The following PANK1 variants were observed in gnomAD, a reference collection of about 807,000 sequenced individuals.
PANK1 encodes the protein pantothenate kinase 1, also known as pantothenic acid kinase 1.
A neutral mutation model predicts 40.1 loss-of-function variants in PANK1; 18 were observed. The observed-to-expected ratio is 0.45, with a 90% CI of 0.31 to 0.67. PANK1 has a LOEUF of 0.67. PANK1 is among the 30% of genes least tolerant of loss of function. PANK1 has a pLI of 0.06. For missense variants in PANK1, 457 were observed against 599.6 expected (o/e 0.76, Z 2.48); for synonymous variants, 242 against 237.7 (o/e 1.02, Z -0.17).
At chr10:89,626,123 G>A (rs1845653461) in intron 1 of PANK1, 1 of 152,184 alleles carries the variant, frequency 6.6e-6, no homozygotes. Flanking sequence ...GTAGGCAGAT[G>A]AAATTTGTTT....
At chr10:89,585,022 G>A (rs1228933594) in intron 6 of PANK1, among the ~76,000 whole-genome samples, 6 of 152,204 alleles carry the variant, frequency 3.9e-5, no homozygotes, top group Non-Finnish European at 7.3e-5. Flanking sequence ...AGAGAACTAT[G>A]TGTTAGTTTG....
chr10:89,638,509 G>A (rs540554513), intron 1 of PANK1, among the ~76,000 whole-genome samples: 8 of 152,222 alleles, frequency 5.3e-5, no homozygotes, highest in Non-Finnish European at 8.8e-5. Context: ...TGGCCAGGAT[G>A]AGAATCCTTC....
intron 3 of PANK1, among the ~76,000 whole-genome samples, chr10:89,597,463 A>G (rs1844646147): frequency 6.6e-6 from 1 of 152,198 alleles, no homozygotes; most frequent in African/African-American, 2.4e-5. Flanking sequence ...GGGAAGCTTG[A>G]ACATCCAGAC....
intron 3 of PANK1, among the ~76,000 whole-genome samples, chr10:89,598,284 G>A (rs1235531651): frequency 6.6e-6 from 1 of 152,218 alleles, no homozygotes; most frequent in East Asian, 1.9e-4. Flanking sequence ...TGGGTGAGTA[G>A]TCCTGCAGAA....
chr10:89,609,197 TG>T (rs1845076890), intron 2 of PANK1, among the ~76,000 whole-genome samples: 1 of 152,202 alleles, frequency 6.6e-6, no homozygotes, highest in Non-Finnish European at 1.5e-5. Flanking sequence ...CCTGAGTAGC[TG>T]GGATTACAGG....
At chr10:89,639,177 G>A (rs1021515732) in intron 1 of PANK1, 4 of 452,528 alleles carry the variant, frequency 8.8e-6, no homozygotes, top group East Asian at 6.9e-5. Context: ...GTCCAAGATC[G>A]AGGGACTGCA....
chr10:89,641,550 T>C (rs1170323816), intron 1 of PANK1, among the ~76,000 whole-genome samples: 1 of 152,074 alleles, frequency 6.6e-6, no homozygotes, highest in East Asian at 1.9e-4. Context: ...CACATGCCCT[T>C]GAGCCCTTCA....
At chr10:89,608,680 T>C (rs941098455) in intron 2 of PANK1, among the ~76,000 whole-genome samples, 9 of 152,254 alleles carry the variant, frequency 5.9e-5, no homozygotes, top group African/African-American at 2.2e-4. Flanking sequence ...TTCAAACTCC[T>C]ATCTGCAAAG....
At chr10:89,615,746 T>G (rs1388668530) in intron 1 of PANK1, among the ~76,000 whole-genome samples, 1 of 152,238 alleles carries the variant, frequency 6.6e-6, no homozygotes, top group Admixed American at 6.5e-5. Flanking sequence ...ATGAAAAATC[T>G]AATGCTCTTC....
At chr10:89,588,618 C>A (rs775431781) in intron 6 of PANK1, 34 bp downstream of exon 6, 1 of 1,543,332 alleles carries the variant, frequency 6.5e-7, no homozygotes, top group South Asian at 1.3e-5. Flanking sequence ...ATATACTCCA[C>A]ATATGACAGT....
At chr10:89,631,956 T>TTG (rs71471132) in intron 1 of PANK1, among the ~76,000 whole-genome samples, 389 of 135,480 alleles carry the variant, frequency 2.9e-3, no homozygotes, top group South Asian at 0.018. Flanking sequence ...AAATAACAGA[T>TTG]TGTGTGTGTG....
chr10:89,623,507 G>A (rs1845565527), intron 1 of PANK1, among the ~76,000 whole-genome samples: 1 of 150,688 alleles, frequency 6.6e-6, no homozygotes, highest in South Asian at 2.1e-4. Flanking sequence ...ACAGGCATGA[G>A]CCACCGTGCC....
At chr10:89,635,025 G>A (rs886122570) in intron 1 of PANK1, among the ~76,000 whole-genome samples, 2 of 152,118 alleles carry the variant, frequency 1.3e-5, no homozygotes, top group African/African-American at 4.8e-5. Flanking sequence ...AGGGCAAGAT[G>A]AGTTTGTGGA....
chr10:89,586,497 C>T (rs1366450276), intron 6 of PANK1, among the ~76,000 whole-genome samples: 1 of 152,098 alleles, frequency 6.6e-6, no homozygotes, highest in Non-Finnish European at 1.5e-5. Flanking sequence ...GAATTTCTAT[C>T]ATTGGGCCTT....
intron 1 of PANK1, among the ~76,000 whole-genome samples, chr10:89,615,231 C>G (rs6586205): frequency 6.6e-6 from 1 of 152,004 alleles, no homozygotes. Context: ...TACGTAAACC[C>G]CAGAAAACAA....
rs571179099 is a variant in PANK1, at chr10:89,644,577, G to C, written c.292+23C>G. 8 of 1,573,276 alleles carry C rather than the reference G, an allele frequency of 5.1e-6. No homozygotes were observed. In the East Asian group the frequency reaches 7.1e-5, roughly 14 times the overall value. ...CACGCTGCGTCTGCCTTGCGCCCGCGCTCCCCTCCCAGCGGGACTTACGCG... is the reference window on the plus strand; with the variant it reads ...CACGCTGCGTCTGCCTTGCGCCCGCCCTCCCCTCCCAGCGGGACTTACGCG... On this transcript the variant is annotated intron_variant, in intron 1 of 6. Transcript: ENST00000307534.
chr10:89,584,847 A>T (rs11185769), intron 6 of PANK1, among the ~76,000 whole-genome samples: 21,034 of 152,202 alleles, frequency 0.14, 1,623 homozygotes, highest in Middle Eastern at 0.2. Flanking sequence ...GCTCAATACC[A>T]AATCTGTCTG....
At position 89,593,851 on chromosome 10, in the gene PANK1, A is replaced by G. The variant is rs754260462; in HGVS notation, c.1038T>C (p.Tyr346=). ...KLVKDIYGGD[Y]ERFGLQGSAV... Reference sequence around the variant, plus strand: ...CAGATCCTTGAAGGCCAAATCGTTCATAGTCTCCTCCGTAAATGTCCTTCA... The same window carrying G: ...CAGATCCTTGAAGGCCAAATCGTTCGTAGTCTCCTCCGTAAATGTCCTTCA... Residue 346 remains tyrosine (Y), a synonymous_variant, in exon 4 of 7, where the codon TAT becomes TAC. Transcript: ENST00000307534. 9 of 1,613,902 alleles carry G rather than the reference A, an allele frequency of 5.6e-6. No individual in the cohort carries two copies. In the Admixed American group the frequency reaches 1.2e-4, roughly 21 times the overall value.
At chr10:89,606,601 G>A (rs1844972750) in intron 2 of PANK1, among the ~76,000 whole-genome samples, 2 of 132,240 alleles carry the variant, frequency 1.5e-5, no homozygotes, top group Admixed American at 1.6e-4. Context: ...ATAGCTCACT[G>A]CAACCTCTGC....
Sources: gnomAD v4.1 joint callset for allele counts (sites outside exome capture counted in the v4.1 genomes callset) on GRCh38, gnomAD v4.1.1 for gene constraint, MANE v1.5 for transcripts, NCBI Gene and HGNC (gene_info 2026-07-23, HGNC 2026-07-21) for gene names.